The following AKAP13 variants were observed in gnomAD, a reference collection of about 807,000 sequenced individuals.
The protein encoded by AKAP13 is A-kinase anchor protein 13.
A neutral mutation model predicts 264.5 loss-of-function variants in AKAP13; 80 were observed. The ratio of observed to expected loss-of-function variants is 0.30; its 90% CI spans 0.25 to 0.36. The LOEUF is 0.36. AKAP13 is among the 10% of genes least tolerant of loss of function. The pLI, the probability that AKAP13 is intolerant of heterozygous loss-of-function variation, is 1.00. For synonymous variants in AKAP13, 1,380 were observed against 1,250.2 expected (o/e 1.10, Z -2.19); for missense variants, 3,712 against 3,435.2 (o/e 1.08, Z -2.01).
chr15:85,741,574 T>C, intron 35 of AKAP13, 79 bp downstream of exon 35: 1 of 1,468,340 alleles, frequency 6.8e-7, no homozygotes, highest in South Asian at 1.4e-5. Context: ...GGTAAGAAAG[T>C]GAGCAGAAAT....
chr15:85,414,114 C>T (rs1040084601), intron 1 of AKAP13, among the ~76,000 whole-genome samples: 3 of 152,064 alleles, frequency 2.0e-5, no homozygotes, highest in African/African-American at 7.2e-5. Flanking sequence ...GTGTTATTCC[C>T]AGATTTTTCT....
intron 8 of AKAP13, among the ~76,000 whole-genome samples, chr15:85,616,542 A>G (rs1410108110): frequency 1.3e-5 from 2 of 152,188 alleles, no homozygotes; most frequent in East Asian, 1.9e-4. Context: ...GAAAGAAAGG[A>G]AAGACAATTA....
intron 14 of AKAP13, among the ~76,000 whole-genome samples, chr15:85,675,918 CT>C (rs143290741): frequency 5.9e-4 from 86 of 145,584 alleles, no homozygotes; most frequent in African/African-American, 9.2e-4. Context: ...CAGTAGAAGG[CT>C]TTTTTTTTTT....
chr15:85,522,852 C>T (rs922641214), intron 3 of AKAP13, among the ~76,000 whole-genome samples: 1 of 152,004 alleles, frequency 6.6e-6, no homozygotes, highest in Non-Finnish European at 1.5e-5. Context: ...ATCATCTCTC[C>T]TCTTAGCCAC....
chr15:85,463,507 C>A (rs2074604054), intron 1 of AKAP13, among the ~76,000 whole-genome samples: 2 of 152,126 alleles, frequency 1.3e-5, no homozygotes, highest in Admixed American at 1.3e-4. Flanking sequence ...AAATTGCAGC[C>A]AGGACTAAAT....
intron 2 of AKAP13, among the ~76,000 whole-genome samples, chr15:85,509,364 T>C (rs1473714295): frequency 1.3e-5 from 2 of 152,210 alleles, no homozygotes; most frequent in Middle Eastern, 3.2e-3. Flanking sequence ...ATATGCTTGC[T>C]TTGTAATGGT....
chr15:85,393,644 T>A (rs762879496), intron 1 of AKAP13, among the ~76,000 whole-genome samples: 12 of 152,236 alleles, frequency 7.9e-5, no homozygotes, highest in Admixed American at 2.0e-4. Flanking sequence ...TCTTAATTCC[T>A]TACAGTAATC....
chr15:85,601,608 T>TTGTGTGTGTATGTGTG (rs2080076882), intron 8 of AKAP13, among the ~76,000 whole-genome samples: 1 of 131,990 alleles, frequency 7.6e-6, no homozygotes, highest in Non-Finnish European at 1.6e-5. Context: ...CCTGAATTCT[T>TTGTGTGTGTATGTGTG]TGTGTGTGTG....
At chr15:85,620,210 C>T in intron 8 of AKAP13, 1 of 1,530,550 alleles carries the variant, frequency 6.5e-7, no homozygotes, top group Non-Finnish European at 8.8e-7. Context: ...TGAAGCTCTG[C>T]AGGCTGTTTT....
intron 8 of AKAP13, among the ~76,000 whole-genome samples, chr15:85,623,410 C>T (rs117239174): frequency 6.6e-6 from 1 of 152,140 alleles, no homozygotes; most frequent in African/African-American, 2.4e-5. Context: ...TTTAACAACT[C>T]CAATCCCTCC....
chr15:85,485,222 G>C (rs1403307620), intron 1 of AKAP13, among the ~76,000 whole-genome samples: 1 of 152,156 alleles, frequency 6.6e-6, no homozygotes, highest in South Asian at 2.1e-4. Flanking sequence ...TTAGTGGTTA[G>C]AGAGGCAAGC....
At chr15:85,512,809 A>G (rs1331500283) in intron 2 of AKAP13, among the ~76,000 whole-genome samples, 2 of 146,498 alleles carry the variant, frequency 1.4e-5, no homozygotes, top group Non-Finnish European at 3.0e-5. Flanking sequence ...AGTGTTGACT[A>G]TTTTTATGTA....
chr15:85,683,096 C>G (rs1404435948), intron 15 of AKAP13, among the ~76,000 whole-genome samples: 2 of 152,124 alleles, frequency 1.3e-5, no homozygotes, highest in Admixed American at 6.5e-5. Flanking sequence ...TCTGAGTTGC[C>G]TTCTTTTTCA....
At chr15:85,612,981 A>T (rs572064056) in intron 8 of AKAP13, among the ~76,000 whole-genome samples, 7 of 152,164 alleles carry the variant, frequency 4.6e-5, no homozygotes, top group Non-Finnish European at 8.8e-5. Flanking sequence ...TACATGTGAG[A>T]AGAAGTTCTT....
At position 85,533,566 on chromosome 15, in the gene AKAP13, T is replaced by C. The variant is rs2077306518; in HGVS notation, c.182-18T>C. ...GAGGCTCTAATACTGTTTTATTTGC[T>C]GCCTGTGTTTCCTTTAGGTCATGAT... On this transcript the variant is annotated intron_variant, in intron 3 of 36. Transcript: ENST00000394518. 2 of 1,585,088 alleles carry C rather than the reference T, an allele frequency of 1.3e-6. No individual in the cohort carries two copies. The highest frequency in any genetic ancestry group is 1.7e-6 in the Non-Finnish European group (2 of 1,164,088).
chr15:85,517,434 C>T (rs1306423818), intron 2 of AKAP13, among the ~76,000 whole-genome samples: 3 of 151,978 alleles, frequency 2.0e-5, no homozygotes, highest in Non-Finnish European at 2.9e-5. Context: ...GGAGAGTCTC[C>T]CAGCAAGATG....
At chr15:85,527,120 G>A (rs542744811) in intron 3 of AKAP13, among the ~76,000 whole-genome samples, 35 of 152,052 alleles carry the variant, frequency 2.3e-4, no homozygotes, top group African/African-American at 7.7e-4. Context: ...CCGCCACCAC[G>A]CCCGGCTAAG....
At chr15:85,624,407 G>T (rs1048719970) in intron 8 of AKAP13, 2 of 152,226 alleles carry the variant, frequency 1.3e-5, no homozygotes, top group African/African-American at 2.4e-5. Flanking sequence ...AGGAGGAATA[G>T]TCTGTCTCTA....
intron 13 of AKAP13, among the ~76,000 whole-genome samples, chr15:85,668,078 C>G (rs2083703086): frequency 6.6e-6 from 1 of 152,164 alleles, no homozygotes; most frequent in African/African-American, 2.4e-5. Context: ...GCTTGTTTCA[C>G]TCTGATCTAG....
Sources: allele counts gnomAD v4.1 joint callset (sites outside exome capture counted in the v4.1 genomes callset), GRCh38; gene constraint gnomAD v4.1.1; transcripts MANE v1.5; gene names NCBI Gene and HGNC (gene_info 2026-07-23, HGNC 2026-07-21).